The following ARMH3 variants were observed in gnomAD, a reference collection of about 807,000 sequenced individuals.
ARMH3 encodes the protein armadillo-like helical domain-containing protein 3.
A neutral mutation model predicts 99.1 loss-of-function variants in ARMH3; 60 were observed. The ratio of observed to expected loss-of-function variants is 0.61; its 90% confidence interval spans 0.49 to 0.75. The LOEUF is 0.75. Ranked by LOEUF, ARMH3 falls within the 30% of genes least tolerant of loss-of-function variation. ARMH3 has a pLI of 0.00. For synonymous variants in ARMH3, 285 were observed against 292.8 expected, an observed-to-expected ratio of 0.97 and a Z score of 0.27; for missense variants, 679 against 843.1, an observed-to-expected ratio of 0.81 and a Z score of 2.41.
At position 102,039,862 on chromosome 10, in the gene ARMH3, A is replaced by G; in HGVS notation, c.102+151T>C. 7 of 647,658 alleles carry G rather than the reference A, an allele frequency of 1.1e-5. No homozygotes were observed. In the South Asian group the frequency reaches 1.3e-4, roughly 12 times the overall value. The allele number at this position is 647,658 out of a possible 1,614,324, so 40.1% of individuals were successfully genotyped here. ...ACATGATTATAATCTCTACTCTGACAGCTTTCATTTTTGCCCTCAAACCCT... is the reference window on the plus strand; with the variant it reads ...ACATGATTATAATCTCTACTCTGACGGCTTTCATTTTTGCCCTCAAACCCT... On this transcript the variant is annotated intron_variant, in intron 2 of 25. Coordinates refer to ENST00000370033, the MANE Select transcript of ARMH3 (RefSeq NM_024541.3).
intron 8 of ARMH3, among the ~76,000 whole-genome samples, chr10:102,017,492 C>T (rs1191390181): frequency 6.6e-6 from 1 of 152,186 alleles, no homozygotes; most frequent in Non-Finnish European, 1.5e-5. Context: ...AATCATGAAG[C>T]CAAGCCATTG....
chr10:102,054,984 G>C (rs1847904489), intron 1 of ARMH3, among the ~76,000 whole-genome samples: 1 of 146,318 alleles, frequency 6.8e-6, no homozygotes, highest in Non-Finnish European at 1.5e-5. Flanking sequence ...CAACGAGAGC[G>C]AAACTCCGTC....
intron 23 of ARMH3, among the ~76,000 whole-genome samples, chr10:101,923,284 T>TA (rs1404661066): frequency 6.6e-6 from 1 of 152,232 alleles, no homozygotes; most frequent in East Asian, 1.9e-4. Flanking sequence ...ACTATATTTA[T>TA]AATTAGGCTG....
At chr10:101,946,435 C>T (rs1454828803) in intron 22 of ARMH3, among the ~76,000 whole-genome samples, 3 of 151,682 alleles carry the variant, frequency 2.0e-5, no homozygotes, top group South Asian at 2.1e-4. Context: ...TCACTTGAGC[C>T]CAGGAGTTTG....
intron 4 of ARMH3, among the ~76,000 whole-genome samples, chr10:102,031,088 G>T (rs989588512): frequency 4.6e-5 from 7 of 152,118 alleles, no homozygotes; most frequent in African/African-American, 1.7e-4. Flanking sequence ...CTGGCCAACA[G>T]TTTTTATAAT....
At chr10:102,042,145 A>C (rs2136252227) in intron 1 of ARMH3, among the ~76,000 whole-genome samples, 1 of 152,362 alleles carries the variant, frequency 6.6e-6, no homozygotes, top group East Asian at 1.9e-4. Flanking sequence ...TGTCTTTTAA[A>C]CATGTTGTCA....
chr10:101,931,035 C>T (rs1444359500), intron 23 of ARMH3, among the ~76,000 whole-genome samples: 1 of 152,310 alleles, frequency 6.6e-6, no homozygotes, highest in East Asian at 1.9e-4. Flanking sequence ...CTCAGACAAC[C>T]TGACTCTAGA....
intron 20 of ARMH3, among the ~76,000 whole-genome samples, chr10:101,970,151 A>G (rs1845705333): frequency 1.3e-5 from 2 of 152,286 alleles, no homozygotes; most frequent in Middle Eastern, 6.8e-3. Context: ...CAACAACTAC[A>G]CACTTCTCTC....
chr10:101,936,694 GTA>G (rs1843995250), intron 23 of ARMH3, among the ~76,000 whole-genome samples: 1 of 151,842 alleles, frequency 6.6e-6, no homozygotes, highest in Non-Finnish European at 1.5e-5. Context: ...TCTCAAACAG[GTA>G]TCTGTATACC....
intron 2 of ARMH3, among the ~76,000 whole-genome samples, chr10:102,034,518 C>A (rs993650296): frequency 6.6e-6 from 1 of 151,836 alleles, no homozygotes; most frequent in Non-Finnish European, 1.5e-5. Context: ...CACCTGTAGT[C>A]CCAGCTACTA....
intron 19 of ARMH3, among the ~76,000 whole-genome samples, chr10:101,976,683 ATTT>A (rs1336849239): frequency 6.6e-6 from 1 of 152,086 alleles, no homozygotes; most frequent in East Asian, 1.9e-4. Flanking sequence ...TTTAAATTAA[ATTT>A]TTAATTAAAT....
intron 18 of ARMH3, 133 bp downstream of exon 18, chr10:101,991,836 T>C: frequency 1.1e-6 from 1 of 951,884 alleles, no homozygotes; most frequent in South Asian, 1.5e-5. Context: ...AACATGATTC[T>C]TAGGCCAGGG....
chr10:101,985,337 G>A lies in ARMH3; in HGVS notation c.1406+5214C>T, dbSNP rs1283200922. ...ATACATATATATATACAGATCGCAT[G>A]GGTTTATATATACACATATATGTAT... On this transcript the variant is annotated intron_variant, in intron 19 of 25. Coordinates refer to ENST00000370033, the MANE Select transcript of ARMH3 (RefSeq NM_024541.3). Among the ~76,000 whole-genome samples, 13 of 149,070 alleles carry A rather than the reference G, an allele frequency of 8.7e-5. 1 individual carries two copies. The highest frequency in any genetic ancestry group is 1.5e-5 in the Non-Finnish European group (1 of 67,496).
intron 24 of ARMH3, among the ~76,000 whole-genome samples, chr10:101,869,986 T>C (rs2067096508): frequency 1.3e-5 from 2 of 152,198 alleles, no homozygotes; most frequent in South Asian, 4.1e-4. Flanking sequence ...TGAGCAGAGA[T>C]TGCGCCACTG....
chr10:101,985,076 TATACACACACAC>T (rs1278553825), intron 19 of ARMH3, among the ~76,000 whole-genome samples: 5 of 129,068 alleles, frequency 3.9e-5, no homozygotes, highest in Non-Finnish European at 8.2e-5. Context: ...TAAAAATATA[TATACACACACAC>T]ACACACACAC....
At chr10:101,955,832 T>C (rs775233915) in intron 22 of ARMH3, among the ~76,000 whole-genome samples, 8 of 152,204 alleles carry the variant, frequency 5.3e-5, no homozygotes, top group Non-Finnish European at 1.2e-4. Flanking sequence ...ATCCTGATGA[T>C]TGTGATAGTT....
chr10:101,862,429 T>C (rs1269153705), intron 24 of ARMH3, among the ~76,000 whole-genome samples: 1 of 151,936 alleles, frequency 6.6e-6, no homozygotes, highest in Admixed American at 6.6e-5. Context: ...ATACAAAAAT[T>C]AGCTGGCCGT....
At chr10:102,011,310 A>C (rs1216285907) in intron 11 of ARMH3, among the ~76,000 whole-genome samples, 3 of 152,150 alleles carry the variant, frequency 2.0e-5, no homozygotes, top group Non-Finnish European at 4.4e-5. Context: ...TCAGGAGAGC[A>C]CTCAGATCCA....
chr10:101,887,027 A>G (rs1468581961), intron 24 of ARMH3, among the ~76,000 whole-genome samples: 1 of 152,228 alleles, frequency 6.6e-6, no homozygotes, highest in African/African-American at 2.4e-5. Context: ...TACTGTTAAC[A>G]TTAAGTGACA....
Sources: gnomAD v4.1 joint callset for allele counts (sites outside exome capture counted in the v4.1 genomes callset) on GRCh38, gnomAD v4.1.1 for gene constraint, MANE v1.5 for transcripts, NCBI Gene and HGNC (gene_info 2026-07-23, HGNC 2026-07-21) for gene names.